GUCY1A2: variants seen among roughly 807,000 people sequenced by gnomAD.
GUCY1A2 encodes guanylate cyclase soluble subunit alpha-2.
In GUCY1A2, 27 loss-of-function variants were observed where a neutral mutation model predicts 63.5. The ratio of observed to expected loss-of-function variants is 0.43; its 90% CI spans 0.31 to 0.59. GUCY1A2 has a LOEUF of 0.59. Ranked by LOEUF, GUCY1A2 falls within the 20% of genes least tolerant of loss-of-function variation. The probability of loss-of-function intolerance (pLI) is 0.11; values close to 1 mark genes in which losing one functional copy is unlikely to be tolerated. For synonymous variants in GUCY1A2, 364 were observed against 343.5 expected (o/e 1.06, Z -0.66); for missense variants, 768 against 913.3 (o/e 0.84, Z 2.05).
intron 5 of GUCY1A2, among the ~76,000 whole-genome samples, chr11:106,785,583 G>C (rs1258050824): frequency 1.3e-5 from 2 of 151,604 alleles, no homozygotes; most frequent in African/African-American, 2.4e-5. Flanking sequence ...GCCCATAAGA[G>C]TTCTATTAAA....
intron 4 of GUCY1A2, among the ~76,000 whole-genome samples, chr11:106,820,226 C>A (rs1214613780): frequency 6.6e-6 from 1 of 151,984 alleles, no homozygotes; most frequent in African/African-American, 2.4e-5. Flanking sequence ...AAAAAAATAT[C>A]ATCCTAATGT....
intron 3 of GUCY1A2, among the ~76,000 whole-genome samples, chr11:106,970,600 T>G (rs908193326): frequency 6.6e-6 from 1 of 152,124 alleles, no homozygotes; most frequent in Non-Finnish European, 1.5e-5. Context: ...CTGGAAAGGA[T>G]GAAGAGCAAT....
At chr11:107,002,471 A>G (rs1215974770) in intron 1 of GUCY1A2, among the ~76,000 whole-genome samples, 1 of 152,080 alleles carries the variant, frequency 6.6e-6, no homozygotes, top group Non-Finnish European at 1.5e-5. Flanking sequence ...TATATAAAAC[A>G]CTTTTATAAG....
At chr11:106,726,268 T>C (rs1863406312) in intron 6 of GUCY1A2, among the ~76,000 whole-genome samples, 1 of 151,824 alleles carries the variant, frequency 6.6e-6, no homozygotes, top group African/African-American at 2.4e-5. Context: ...ACACAAAAAT[T>C]AGCCAGTCAT....
chr11:106,737,366 T>G (rs1375598053), intron 6 of GUCY1A2, among the ~76,000 whole-genome samples: 1 of 152,174 alleles, frequency 6.6e-6, no homozygotes, highest in African/African-American at 2.4e-5. Flanking sequence ...GTAGATTTGG[T>G]GGCTCCACTT....
intron 4 of GUCY1A2, among the ~76,000 whole-genome samples, chr11:106,859,412 T>C (rs1859478730): frequency 6.6e-6 from 1 of 151,996 alleles, no homozygotes; most frequent in Non-Finnish European, 1.5e-5. Context: ...CTCATCAGTC[T>C]ATTTTCCCTA....
intron 4 of GUCY1A2, among the ~76,000 whole-genome samples, chr11:106,925,286 G>C (rs1026085094): frequency 1.3e-5 from 2 of 152,102 alleles, no homozygotes; most frequent in African/African-American, 2.4e-5. Context: ...TTGATAAACT[G>C]TATCAATTAT....
At chr11:106,931,483 C>T (rs1565335419) in intron 4 of GUCY1A2, among the ~76,000 whole-genome samples, 1 of 152,198 alleles carries the variant, frequency 6.6e-6, no homozygotes, top group Non-Finnish European at 1.5e-5. Context: ...TATGATGCAA[C>T]AACTGCAAAT....
chr11:106,824,238 A>G, intron 4 of GUCY1A2: 9 of 967,242 alleles, frequency 9.3e-6, no homozygotes, highest in Non-Finnish European at 9.6e-6. Flanking sequence ...ATTAAAGCCT[A>G]TGGGATGCTT....
intron 4 of GUCY1A2, among the ~76,000 whole-genome samples, chr11:106,861,301 A>G (rs1859508619): frequency 7.8e-6 from 1 of 128,764 alleles, no homozygotes; most frequent in African/African-American, 2.7e-5. Context: ...TCTTTGCTGT[A>G]TAAATTGTGT....
intron 1 of GUCY1A2, among the ~76,000 whole-genome samples, chr11:106,992,360 C>T (rs989850043): frequency 9.9e-5 from 14 of 141,406 alleles, no homozygotes; most frequent in African/African-American, 2.4e-4. Context: ...TACCGAGTCT[C>T]GCTCTGTCCC....
intron 4 of GUCY1A2, among the ~76,000 whole-genome samples, chr11:106,826,062 A>G (rs1858966634): frequency 6.6e-6 from 1 of 152,234 alleles, no homozygotes; most frequent in Non-Finnish European, 1.5e-5. Context: ...CTAATCTACT[A>G]GAGTACATTT....
At chr11:107,005,687 C>T (rs1210598143) in intron 1 of GUCY1A2, among the ~76,000 whole-genome samples, 1 of 152,102 alleles carries the variant, frequency 6.6e-6, no homozygotes, top group Admixed American at 6.6e-5. Flanking sequence ...ATAATAAATG[C>T]TGTCTGAATT....
chr11:106,826,313 T>A, intron 4 of GUCY1A2: 5 of 1,113,636 alleles, frequency 4.5e-6, no homozygotes, highest in Non-Finnish European at 6.4e-6. Context: ...ATTAACTCAA[T>A]ACAGTCATTC....
chr11:106,869,765 C>G (rs1233727632), intron 4 of GUCY1A2, among the ~76,000 whole-genome samples: 1 of 152,006 alleles, frequency 6.6e-6, no homozygotes, highest in Non-Finnish European at 1.5e-5. Flanking sequence ...GGTATATACC[C>G]AAAGGAATAT....
At chr11:106,999,021 G>T (rs1001949527) in intron 1 of GUCY1A2, among the ~76,000 whole-genome samples, 1 of 152,064 alleles carries the variant, frequency 6.6e-6, no homozygotes, top group Non-Finnish European at 1.5e-5. Flanking sequence ...AGAGTCTTGT[G>T]GGGCCAGACA....
intron 4 of GUCY1A2, among the ~76,000 whole-genome samples, chr11:106,862,809 T>C (rs925038680): frequency 2.6e-5 from 4 of 152,074 alleles, no homozygotes; most frequent in Non-Finnish European, 5.9e-5. Context: ...CTGGCTGGAT[T>C]TTCAGATACA....
At chr11:106,709,377 A>T (rs1368650492) in intron 6 of GUCY1A2, among the ~76,000 whole-genome samples, 1 of 98,898 alleles carries the variant, frequency 1.0e-5, no homozygotes, top group Non-Finnish European at 1.8e-5. Context: ...TATAAATTAT[A>T]TATATTATAT....
chr11:106,783,053 C>T (rs1215704325), intron 5 of GUCY1A2, among the ~76,000 whole-genome samples: 1 of 152,148 alleles, frequency 6.6e-6, no homozygotes, highest in East Asian at 1.9e-4. Flanking sequence ...CAGCTTGCCA[C>T]CAGCCTTGAA....
Sources: allele counts gnomAD v4.1 joint callset (sites outside exome capture counted in the v4.1 genomes callset), GRCh38; gene constraint gnomAD v4.1.1; transcripts MANE v1.5; gene names NCBI Gene and HGNC (gene_info 2026-07-23, HGNC 2026-07-21).